The following OMA1 variants were observed in gnomAD, a reference collection of about 807,000 sequenced individuals.
OMA1 encodes metalloendopeptidase OMA1, mitochondrial.
OMA1 carries 38 observed loss-of-function variants against 30.9 expected under a neutral mutation model. That is an observed-to-expected ratio of 1.23 (90% CI 0.95 to 1.61). The LOEUF is 1.61. Ranked by LOEUF, OMA1 falls within the 40% of genes most tolerant of loss-of-function variation. The pLI, the probability that OMA1 is intolerant of heterozygous loss-of-function variation, is 0.00. For synonymous variants in OMA1, 173 were observed against 121.9 expected, an observed-to-expected ratio of 1.42 and a Z score of -2.76; for missense variants, 461 against 349.2, an observed-to-expected ratio of 1.32 and a Z score of -2.55.
chr1:58,489,369 C>T (rs1342491015), intron 8 of OMA1, among the ~76,000 whole-genome samples: 4 of 152,214 alleles, frequency 2.6e-5, no homozygotes, highest in African/African-American at 9.6e-5. Flanking sequence ...TGAGATCAAA[C>T]TGCAAGGTGG....
At chr1:58,492,861 T>C (rs917930988) in intron 8 of OMA1, among the ~76,000 whole-genome samples, 10 of 152,232 alleles carry the variant, frequency 6.6e-5, no homozygotes, top group African/African-American at 2.4e-4. Flanking sequence ...GTACCATTCC[T>C]TCTGAAACTA....
chr1:58,502,959 C>G (rs549023633), intron 8 of OMA1, among the ~76,000 whole-genome samples: 110 of 152,252 alleles, frequency 7.2e-4, no homozygotes, highest in African/African-American at 2.4e-3. Flanking sequence ...TCATCATTTG[C>G]TCCCAAATAA....
chr1:58,506,319 G>T, intron 7 of OMA1, 110 bp from the exon 8 acceptor site: 1 of 623,614 alleles, frequency 1.6e-6, no homozygotes, highest in South Asian at 2.4e-5. Flanking sequence ...TAAGTTTTAG[G>T]GTACATGTGC....
At chr1:58,482,787 C>T (rs929486944) in intron 8 of OMA1, among the ~76,000 whole-genome samples, 2 of 152,020 alleles carry the variant, frequency 1.3e-5, no homozygotes, top group African/African-American at 2.4e-5. Flanking sequence ...GAGATGGGAG[C>T]GTGCCTGGGG....
chr1:58,543,786 A>G (rs924890410), intron 1 of OMA1, among the ~76,000 whole-genome samples: 1 of 152,242 alleles, frequency 6.6e-6, no homozygotes, highest in African/African-American at 2.4e-5. Flanking sequence ...AAACTTCTGT[A>G]TAACAGAGGT....
intron 8 of OMA1, among the ~76,000 whole-genome samples, chr1:58,485,210 A>C (rs1645554800): frequency 6.7e-6 from 1 of 148,742 alleles, no homozygotes; most frequent in African/African-American, 2.5e-5. Flanking sequence ...AGAGTCTAAA[A>C]ATAAAAGAGT....
At chr1:58,481,249 A>T in intron 8 of OMA1, 75 bp from the exon 9 acceptor site, 1 of 509,510 alleles carries the variant, frequency 2.0e-6, no homozygotes, top group Non-Finnish European at 3.4e-6. Context: ...GTAATCCCTA[A>T]TATGCTCCAT....
At chr1:58,545,338 T>A (rs1646684114) in intron 1 of OMA1, among the ~76,000 whole-genome samples, 1 of 152,250 alleles carries the variant, frequency 6.6e-6, no homozygotes, top group African/African-American at 2.4e-5. Flanking sequence ...TACGCATATA[T>A]AATTAAAACC....
intron 8 of OMA1, among the ~76,000 whole-genome samples, chr1:58,500,391 C>G (rs1210472716): frequency 6.6e-6 from 1 of 152,160 alleles, no homozygotes; most frequent in African/African-American, 2.4e-5. Context: ...ATGTTAAACA[C>G]TCATGTTTTC....
intron 8 of OMA1, among the ~76,000 whole-genome samples, chr1:58,484,220 T>C (rs1423084105): frequency 6.6e-6 from 1 of 152,220 alleles, no homozygotes; most frequent in East Asian, 1.9e-4. Flanking sequence ...GGCATTAGAA[T>C]TGTTCCCACA....
intron 7 of OMA1, among the ~76,000 whole-genome samples, chr1:58,520,901 A>G (rs984976130): frequency 6.6e-6 from 1 of 152,050 alleles, no homozygotes; most frequent in Admixed American, 6.6e-5. Context: ...AAAAAAAAGG[A>G]AAAAAAATCA....
intron 8 of OMA1, among the ~76,000 whole-genome samples, chr1:58,491,992 C>A (rs1262853544): frequency 1.3e-5 from 2 of 152,036 alleles, no homozygotes; most frequent in Admixed American, 1.3e-4. Context: ...ACACCTATTC[C>A]AAAATTGACC....
At position 58,485,893 on chromosome 1, in the gene OMA1, A is replaced by C. The variant is rs545202806; in HGVS notation, c.1366-4719T>G. 3.3e-5 allele frequency among the ~76,000 whole-genome samples: 5 copies of C among 152,332 alleles called. No individual in the cohort carries two copies. In the South Asian group the frequency reaches 1.0e-3, roughly 32 times the overall value. ...AATCATTATGATAAATGTCATAGAG[A>C]AAATACTCTTAGGAGTTTATGGTTT... On this transcript the variant is annotated intron_variant, in intron 8 of 8. Transcript: ENST00000371226.
At chr1:58,541,614 C>CAAAAAAAAAAAAAAAAACAAAAAA (rs1646617520) in intron 1 of OMA1, 1 of 65,622 alleles carries the variant, frequency 1.5e-5, no homozygotes, top group Admixed American at 2.3e-4. Flanking sequence ...GAGAACCTGT[C>CAAAAAAAAAAAAAAAAACAAAAAA]AAAAAAAAAA....
chr1:58,537,062 T>TTCTCTC (rs150887072), intron 2 of OMA1, among the ~76,000 whole-genome samples: 38 of 145,914 alleles, frequency 2.6e-4, no homozygotes, highest in African/African-American at 5.3e-4. Context: ...ACATGCAAAA[T>TTCTCTC]TCTCTCTCTC....
At chr1:58,494,324 A>C (rs1385094677) in intron 8 of OMA1, among the ~76,000 whole-genome samples, 1 of 152,094 alleles carries the variant, frequency 6.6e-6, no homozygotes, top group African/African-American at 2.4e-5. Flanking sequence ...CCTAGAAGAA[A>C]ACCTAGGCAA....
intron 7 of OMA1, among the ~76,000 whole-genome samples, chr1:58,520,106 G>C (rs1646239085): frequency 6.6e-6 from 1 of 152,116 alleles, no homozygotes; most frequent in Admixed American, 6.6e-5. Flanking sequence ...AGGGAAGGGG[G>C]AAGGAGGGGA....
In OMA1 at chr1:58,529,730, G is replaced by A. The variant is rs369162693; in HGVS notation, c.1140+871C>T. 1.8e-3 allele frequency among the ~76,000 whole-genome samples: 272 copies of A among 151,768 alleles called. 6 individuals carry two copies. In the South Asian group the frequency reaches 0.053, roughly 29 times the overall value. On this transcript the variant is annotated intron_variant, in intron 6 of 8. Transcript: ENST00000371226. ...ACCAATTTGGATAGAAAATATCTAC[G>A]AAAAAACAATTTAAAAAACTACAAC...
intron 6 of OMA1, among the ~76,000 whole-genome samples, chr1:58,528,325 C>G (rs1646382870): frequency 6.6e-6 from 1 of 152,160 alleles, no homozygotes; most frequent in Admixed American, 6.5e-5. Context: ...AATTGTTTAA[C>G]CCTGCTAAAC....
Sources: gnomAD v4.1 joint callset for allele counts (sites outside exome capture counted in the v4.1 genomes callset) on GRCh38, gnomAD v4.1.1 for gene constraint, MANE v1.5 for transcripts, NCBI Gene and HGNC (gene_info 2026-07-23, HGNC 2026-07-21) for gene names.